The following ZNF362 variants were observed in gnomAD, a reference collection of about 807,000 sequenced individuals.
ZNF362 encodes zinc finger protein 362, also known as rotund homolog.
ZNF362 carries 11 observed loss-of-function variants against 42.9 expected under a neutral mutation model. The ratio of observed to expected loss-of-function variants is 0.26; its 90% CI spans 0.16 to 0.42. ZNF362 has a LOEUF of 0.42. Ranked by LOEUF, ZNF362 falls within the 20% of genes least tolerant of loss-of-function variation. The pLI, the probability that ZNF362 is intolerant of heterozygous loss-of-function variation, is 1.00. For missense variants in ZNF362, 362 were observed against 576.2 expected (o/e 0.63, Z 3.81); for synonymous variants, 255 against 257.3 (o/e 0.99, Z 0.09).
In ZNF362 at chr1:33,281,874, A is replaced by G. The variant is rs1205603418; in HGVS notation, c.908+63A>G. 4 of 1,565,774 alleles carry G rather than the reference A, an allele frequency of 2.6e-6. No individual in the cohort carries two copies. The highest frequency in any genetic ancestry group is 3.4e-5 in the Admixed American group (2 of 59,446). ...CAGCTCAGCACCCGTGGCCTGGCACATGGAGCCAGTGCAAGGAGGGGCAAG... is the reference window on the plus strand; with the variant it reads ...CAGCTCAGCACCCGTGGCCTGGCACGTGGAGCCAGTGCAAGGAGGGGCAAG... On this transcript the variant is annotated intron_variant, in intron 6 of 8. Transcript: ENST00000539719. This position sits in a 1 kb window ranked among gnomAD's most constrained non-coding sequence, Gnocchi z 4.8.
At chr1:33,275,350 T>A (rs1301103612) in intron 2 of ZNF362, 1 of 985,486 alleles carries the variant, frequency 1.0e-6, no homozygotes, top group East Asian at 1.1e-4. Context: ...ACCAGACAGT[T>A]TGTCACACAC....
the ZNF362 span, among the ~76,000 whole-genome samples, chr1:33,177,071 A>ACACACGCATGCACACACACACACATG: frequency 9.0e-5 from 1 of 11,114 alleles, no homozygotes; most frequent in Non-Finnish European, 2.4e-4. The surrounding 1 kb of genome is among the most constrained non-coding windows in gnomAD (Gnocchi z 4.1). Flanking sequence ...ACACATGCAC[A>ACACACGCATGCACACACACACACATG]CACACACATG....
intron 6 of ZNF362, among the ~76,000 whole-genome samples, chr1:33,291,845 A>G (rs1463387114): frequency 6.6e-6 from 1 of 152,140 alleles, no homozygotes; most frequent in African/African-American, 2.4e-5. Flanking sequence ...TGTGAATGGG[A>G]GTTCACTCAT....
upstream of ZNF362, among the ~76,000 whole-genome samples, chr1:33,253,608 A>G (rs906197695): frequency 2.0e-5 from 3 of 151,764 alleles, no homozygotes; most frequent in Non-Finnish European, 4.4e-5. Context: ...TCCCCCATAA[A>G]TCCCTTCCAA....
At chr1:33,235,322 C>T in the ZNF362 span, among the ~76,000 whole-genome samples, 79 of 152,218 alleles carry the variant, frequency 5.2e-4, no homozygotes, top group Non-Finnish European at 1.0e-3. Context: ...CCTGGCCAGA[C>T]ACATGATTAG....
At chr1:33,248,346 C>A in the ZNF362 span, among the ~76,000 whole-genome samples, 9 of 152,316 alleles carry the variant, frequency 5.9e-5, no homozygotes, top group East Asian at 1.7e-3. Context: ...CCCATAACCC[C>A]CAGCTCACTG....
the ZNF362 span, among the ~76,000 whole-genome samples, chr1:33,145,049 T>G: frequency 6.6e-6 from 1 of 152,242 alleles, no homozygotes; most frequent in African/African-American, 2.4e-5. Context: ...AGCCTGGATT[T>G]GAGCTGAGGT....
chr1:33,179,231 G>T, the ZNF362 span, among the ~76,000 whole-genome samples: 3 of 152,362 alleles, frequency 2.0e-5, no homozygotes, highest in East Asian at 3.9e-4. Flanking sequence ...GCCAAGCCTT[G>T]TGCAGGCTCC....
chr1:33,266,914 C>T lies in ZNF362; in HGVS notation c.-88-3573C>T, dbSNP rs1220519645. On this transcript the variant is annotated intron_variant, in intron 1 of 8. Coordinates refer to ENST00000539719, the MANE Select transcript of ZNF362 (RefSeq NM_152493.3). This position sits in a 1 kb window ranked among gnomAD's most constrained non-coding sequence, Gnocchi z 4.3. ...ATCAGACTGTGGAGTTTGAACTATA[C>T]CCCAAAAGTGATGGGAATCCAAGAA... is the stretch of plus-strand genomic sequence containing the variant. Among the ~76,000 whole-genome samples, 4 of 152,156 alleles carry T rather than the reference C, an allele frequency of 2.6e-5. No homozygotes were observed. The highest frequency in any genetic ancestry group is 9.7e-5 in the African/African-American group (4 of 41,422).
rs1645982325 is a variant in ZNF362 at position 33,280,239 on chromosome 1, C to T, written c.465C>T (p.Arg155=). 1 of 1,613,936 alleles carries T rather than the reference C, an allele frequency of 6.2e-7. No homozygotes were observed. Among genetic ancestry groups the T allele is most frequent in the African/African-American group, 1.3e-5 (1 of 74,934 alleles). ...CACCCACCACCACCAGCCAGAGCCGCCTCATCGCCTCGTCCCCCACCCTCA... is the reference window on the plus strand; with the variant it reads ...CACCCACCACCACCAGCCAGAGCCGTCTCATCGCCTCGTCCCCCACCCTCA... ...PSTPTTTSQS[R]LIASSPTLIS... Residue 155 remains arginine (R), a synonymous_variant, in exon 5 of 9, where the codon CGC becomes CGT. Coordinates refer to ENST00000539719, the MANE Select transcript of ZNF362 (RefSeq NM_152493.3). The surrounding 1 kb of genome is among the most constrained non-coding windows in gnomAD (Gnocchi z 5.6).
At chr1:33,156,579 A>G in the ZNF362 span, among the ~76,000 whole-genome samples, 2 of 152,036 alleles carry the variant, frequency 1.3e-5, no homozygotes, top group South Asian at 4.2e-4. Context: ...CCTGACTTCT[A>G]GGAGTGTTCC....
chr1:33,247,021 G>A, the ZNF362 span, among the ~76,000 whole-genome samples: 1 of 152,166 alleles, frequency 6.6e-6, no homozygotes, highest in Middle Eastern at 3.2e-3. Flanking sequence ...AGAGGAAGGA[G>A]GCCTTGCGAT....
At chr1:33,295,746 C>T (rs143465107) in intron 8 of ZNF362, among the ~76,000 whole-genome samples, 23 of 152,328 alleles carry the variant, frequency 1.5e-4, no homozygotes, top group African/African-American at 4.3e-4. Flanking sequence ...GCATTCAGCT[C>T]CCGTCCCTGG....
At chr1:33,134,791 G>A in the ZNF362 span, among the ~76,000 whole-genome samples, 2 of 152,222 alleles carry the variant, frequency 1.3e-5, no homozygotes, top group African/African-American at 2.4e-5. Context: ...ATAGGGGAGC[G>A]AGGATGAGTT....
At chr1:33,153,608 C>G in the ZNF362 span, among the ~76,000 whole-genome samples, 1 of 152,202 alleles carries the variant, frequency 6.6e-6, no homozygotes, top group Non-Finnish European at 1.5e-5. Context: ...TTGAGAAACC[C>G]TGCACTGGGG....
chr1:33,257,492 GCCA>G (rs1645801855), intron 1 of ZNF362, among the ~76,000 whole-genome samples: 1 of 150,360 alleles, frequency 6.7e-6, no homozygotes, highest in Non-Finnish European at 1.5e-5. Context: ...TTCTCCCCCA[GCCA>G]GCTGCCTTTG....
intron 6 of ZNF362, among the ~76,000 whole-genome samples, chr1:33,287,003 G>A (rs922113100): frequency 6.6e-6 from 1 of 152,218 alleles, no homozygotes; most frequent in African/African-American, 2.4e-5. Flanking sequence ...GAGTGAGGCG[G>A]TTGAGTGGCG....
At position 33,266,270 on chromosome 1, in the gene ZNF362, C is replaced by T. The variant is rs1028116560; in HGVS notation, c.-88-4217C>T. 1.1e-4 allele frequency among the ~76,000 whole-genome samples: 16 copies of T among 152,216 alleles called. No homozygotes were observed. The highest frequency in any genetic ancestry group is 8.5e-4 in the Admixed American group (13 of 15,280). ...CTCCTGGCAAACTCGTCTGTCTTCACGGCTCACATGGAAAGACCCCTCCTC... is the reference window on the plus strand; with the variant it reads ...CTCCTGGCAAACTCGTCTGTCTTCATGGCTCACATGGAAAGACCCCTCCTC... On this transcript the variant is annotated intron_variant, in intron 1 of 8. Coordinates refer to ENST00000539719, the MANE Select transcript of ZNF362 (RefSeq NM_152493.3). The surrounding 1 kb of genome is among the most constrained non-coding windows in gnomAD (Gnocchi z 4.3).
chr1:33,240,367 C>T, the ZNF362 span, among the ~76,000 whole-genome samples: 3 of 152,178 alleles, frequency 2.0e-5, no homozygotes, highest in Non-Finnish European at 4.4e-5. Flanking sequence ...TTTTTATTAT[C>T]ACCATGTGCC....
Sources: gnomAD v4.1 joint callset for allele counts (sites outside exome capture counted in the v4.1 genomes callset) on GRCh38, gnomAD v4.1.1 for gene constraint, Gnocchi (gnomAD v3.1) non-coding constraint, MANE v1.5 for transcripts, NCBI Gene and HGNC (gene_info 2026-07-23, HGNC 2026-07-21) for gene names.